NUP205: variants seen among roughly 807,000 people sequenced by gnomAD.
The protein encoded by NUP205 is nuclear pore complex protein Nup205.
In NUP205, 76 loss-of-function variants were observed where a neutral mutation model predicts 253.8. The ratio of observed to expected loss-of-function variants is 0.30; its 90% CI spans 0.25 to 0.36. The LOEUF is 0.36. Ranked by LOEUF, NUP205 falls within the 10% of genes least tolerant of loss-of-function variation. The pLI, the probability that NUP205 is intolerant of heterozygous loss-of-function variation, is 1.00. For synonymous variants in NUP205, 832 were observed against 850.1 expected (o/e 0.98, Z 0.37); for missense variants, 2,162 against 2,425.5 (o/e 0.89, Z 2.28).
Position 135,617,244 on chromosome 7 carries a change from C to G in NUP205, c.3687C>G (p.Val1229=). Reference sequence around the variant, plus strand: ...TACGGGGACAGACAGTCTGCAATGTCAAGGTGAGGATTGCTTTAAAGTACA... The same window carrying G: ...TACGGGGACAGACAGTCTGCAATGTGAAGGTGAGGATTGCTTTAAAGTACA... ...KNLRGQTVCN[V]KLLHRVLVAE... is the part of the protein sequence containing the mutation. Residue 1229 remains valine, a synonymous_variant, in exon 26 of 43, where the codon GTC becomes GTG. Transcript: ENST00000285968. The G allele has an allele frequency of 1.2e-6, 2 of 1,612,986 alleles. No individual in the cohort carries two copies. Among genetic ancestry groups the G allele is most frequent in the Non-Finnish European group, 1.7e-6 (2 of 1,179,392 alleles).
intron 13 of NUP205, among the ~76,000 whole-genome samples, chr7:135,595,739 T>C (rs1329856381): frequency 6.6e-6 from 1 of 152,186 alleles, no homozygotes; most frequent in Non-Finnish European, 1.5e-5. Flanking sequence ...TAGCATTCTT[T>C]TCTCTAGAGA....
intron 7 of NUP205, among the ~76,000 whole-genome samples, chr7:135,583,591 C>G (rs938546097): frequency 6.6e-6 from 1 of 151,968 alleles, no homozygotes; most frequent in Non-Finnish European, 1.5e-5. Flanking sequence ...GAAACCCTGT[C>G]TCTACTAAAA....
intron 18 of NUP205, among the ~76,000 whole-genome samples, chr7:135,603,625 T>C (rs1794015448): frequency 6.6e-6 from 1 of 151,742 alleles, no homozygotes; most frequent in African/African-American, 2.4e-5. Flanking sequence ...TTCTCCCACC[T>C]CAGCCTCCCC....
chr7:135,597,541 G>A (rs1311617783), intron 14 of NUP205, 123 bp downstream of exon 14: 3 of 617,370 alleles, frequency 4.9e-6, no homozygotes, highest in Admixed American at 5.8e-5. Flanking sequence ...TTTATTTGAA[G>A]GGTTTTCTGA....
chr7:135,618,723 C>A, intron 28 of NUP205, 120 bp downstream of exon 28: 2 of 790,644 alleles, frequency 2.5e-6, no homozygotes, highest in Non-Finnish European at 4.0e-6. Flanking sequence ...TGTGCAATAC[C>A]AACGTTAAGA....
chr7:135,622,648 T>C, intron 30 of NUP205, 129 bp from the exon 31 acceptor site: 2 of 801,406 alleles, frequency 2.5e-6, no homozygotes, highest in Non-Finnish European at 3.8e-6. Flanking sequence ...GTACAAGCAG[T>C]GATGGAAGGA....
intron 33 of NUP205, among the ~76,000 whole-genome samples, chr7:135,627,476 G>GT (rs1458973146): frequency 6.6e-6 from 1 of 152,180 alleles, no homozygotes; most frequent in African/African-American, 2.4e-5. Flanking sequence ...TGCTCAACCA[G>GT]TAAGTATGTA....
chr7:135,628,026 A>G lies in NUP205; in HGVS notation c.4847A>G (p.Tyr1616Cys). 2 of 1,611,116 alleles carry G rather than the reference A, an allele frequency of 1.2e-6. No homozygotes were observed. The highest frequency in any genetic ancestry group is 1.7e-6 in the Non-Finnish European group (2 of 1,179,438). The part of the protein sequence containing the change: ...PMFIPTPVDR[Y>C]RQILLPALQL... ...TTCATCCCTACCCCAGTGGATCGCT[A>G]CCGCCAGATTCTCCTCCCAGCTCTC... The change falls in exon 34 of 43, where the codon TAC becomes TGC. Residue 1616 changes from tyrosine (Y) to cysteine (C), a missense_variant. By Grantham distance (194) the Tyr-to-Cys change is radical. Around this residue, in one of 5 missense-constraint regions of NUP205, gnomAD observed 1,144 missense variants for 1,280.9 expected, o/e 0.89. Transcript: ENST00000285968.
intron 4 of NUP205, 68 bp from the exon 5 acceptor site, chr7:135,576,901 T>A: frequency 6.8e-7 from 1 of 1,463,202 alleles, no homozygotes; most frequent in Non-Finnish European, 9.3e-7. Context: ...GCGTTTGCTA[T>A]ACCTATTATT....
At chr7:135,572,650 C>T (rs1207299912) in intron 2 of NUP205, among the ~76,000 whole-genome samples, 1 of 152,200 alleles carries the variant, frequency 6.6e-6, no homozygotes, top group Non-Finnish European at 1.5e-5. Context: ...CAACCTCCCT[C>T]CCGTGTTCAA....
At chr7:135,609,009 C>T (rs1368184293) in intron 22 of NUP205, among the ~76,000 whole-genome samples, 1 of 146,940 alleles carries the variant, frequency 6.8e-6, no homozygotes, top group African/African-American at 2.5e-5. Flanking sequence ...GAGGCTGAGG[C>T]AGGAGAATTG....
At chr7:135,612,783 T>C (rs925991564) in intron 22 of NUP205, among the ~76,000 whole-genome samples, 2 of 152,212 alleles carry the variant, frequency 1.3e-5, no homozygotes, top group Non-Finnish European at 2.9e-5. Context: ...ATAATGAGGA[T>C]TGACTGTGTT....
chr7:135,640,186 T>C (rs1041981048), intron 38 of NUP205, among the ~76,000 whole-genome samples: 7 of 152,186 alleles, frequency 4.6e-5, no homozygotes, highest in Non-Finnish European at 8.8e-5. Flanking sequence ...GTAACAAACG[T>C]ACACATTCTG....
chr7:135,648,119 G>A (rs774007901), intron 42 of NUP205, among the ~76,000 whole-genome samples: 31 of 150,936 alleles, frequency 2.1e-4, no homozygotes, highest in Non-Finnish European at 3.8e-4. Context: ...TTGTGTGTAT[G>A]TTAGTATATC....
chr7:135,648,332 A>G, intron 42 of NUP205, 72 bp from the exon 43 acceptor site: 2 of 1,327,518 alleles, frequency 1.5e-6, no homozygotes, highest in South Asian at 3.8e-5. Flanking sequence ...AGTGTTTTAA[A>G]TTGGAAGACT....
intron 22 of NUP205, 24 bp from the exon 23 acceptor site, chr7:135,614,135 A>G: frequency 1.6e-6 from 2 of 1,286,956 alleles, no homozygotes; most frequent in Non-Finnish European, 2.3e-6. Context: ...TGATTCAGGG[A>G]TTTTTCTTAC....
chr7:135,622,998 C>G (rs1231741836), intron 31 of NUP205, 73 bp downstream of exon 31: 2 of 1,484,376 alleles, frequency 1.3e-6, no homozygotes, highest in Admixed American at 3.6e-5. Context: ...TGATTCACGG[C>G]TGGGTGTGGT....
chr7:135,563,107 T>A (rs1418653652), intron 1 of NUP205, among the ~76,000 whole-genome samples: 1 of 152,190 alleles, frequency 6.6e-6, no homozygotes, highest in Non-Finnish European at 1.5e-5. Flanking sequence ...CAGAGTCCCC[T>A]ATTATGTGAT....
chr7:135,565,428 A>G (rs1377419260), intron 1 of NUP205, among the ~76,000 whole-genome samples: 4 of 142,994 alleles, frequency 2.8e-5, no homozygotes, highest in African/African-American at 5.2e-5. Context: ...TTTAGGTTCC[A>G]TTTTCTTATT....
Sources: gnomAD v4.1 joint callset for allele counts (sites outside exome capture counted in the v4.1 genomes callset) on GRCh38, gnomAD v4.1.1 for gene constraint, gnomAD v4.1.1 regional missense constraint, MANE v1.5 for transcripts, NCBI Gene and HGNC (gene_info 2026-07-23, HGNC 2026-07-21) for gene names.